GRID2: variants seen among roughly 807,000 people sequenced by gnomAD.
GRID2 encodes glutamate ionotropic receptor delta type subunit 2.
A neutral mutation model predicts 114.8 loss-of-function variants in GRID2; 33 were observed. The observed-to-expected ratio is 0.29, with a 90% CI of 0.22 to 0.38. The LOEUF is 0.38. Ranked by LOEUF, GRID2 falls within the 10% of genes least tolerant of loss-of-function variation. The pLI, the probability that GRID2 is intolerant of heterozygous loss-of-function variation, is 1.00. For missense variants in GRID2, 1,184 were observed against 1,257.7 expected, an observed-to-expected ratio of 0.94 and a Z score of 0.89; for synonymous variants, 505 against 449.9, an observed-to-expected ratio of 1.12 and a Z score of -1.55.
At chr4:93,188,812 C>G (rs1249227482) in intron 4 of GRID2, among the ~76,000 whole-genome samples, 1 of 152,146 alleles carries the variant, frequency 6.6e-6, no homozygotes, top group African/African-American at 2.4e-5. Context: ...TCACCTTCCA[C>G]GAAACCCTGG....
chr4:93,111,046 C>T (rs948566097), intron 4 of GRID2, 93 bp downstream of exon 4: 24 of 782,720 alleles, frequency 3.1e-5, no homozygotes, highest in East Asian at 1.2e-4. Context: ...AAGAGCAGTG[C>T]GAGGGAATTA....
In GRID2 at chr4:93,515,361, A is replaced by G. The variant is rs1560702955; in HGVS notation, c.2143A>G (p.Ser715Gly). The G allele has an allele frequency of 6.2e-7, 1 of 1,613,252 alleles. No homozygotes were observed. The highest frequency in any genetic ancestry group is 8.5e-7 in the Non-Finnish European group (1 of 1,179,360). The part of the protein sequence containing the change: ...YSQMWRMINR[S>G]NGSENNVLES... ...CCAAATGTGGCGGATGATCAACCGA[A>G]GCAATGGATCGGAGAACAATGTTCT... The change falls in exon 13 of 16, where the codon AGC becomes GGC. Residue 715 changes from serine (S) to glycine (G), a missense_variant. Coordinates refer to ENST00000282020, the MANE Select transcript of GRID2 (RefSeq NM_001510.4).
At chr4:92,428,839 G>C (rs1164899764) in intron 1 of GRID2, among the ~76,000 whole-genome samples, 1 of 151,884 alleles carries the variant, frequency 6.6e-6, no homozygotes, top group South Asian at 2.1e-4. Flanking sequence ...AAAACATTAT[G>C]AATTTATTTA....
intron 2 of GRID2, among the ~76,000 whole-genome samples, chr4:92,956,407 C>T (rs530421334): frequency 6.6e-6 from 1 of 152,288 alleles, no homozygotes; most frequent in South Asian, 2.1e-4. Flanking sequence ...ATCCCTAACC[C>T]TTGAAACGAC....
chr4:92,605,653 G>A (rs1022216277), intron 2 of GRID2, among the ~76,000 whole-genome samples: 2 of 152,062 alleles, frequency 1.3e-5, no homozygotes, highest in Admixed American at 6.6e-5. Flanking sequence ...GAAGGGAATA[G>A]CATTCCAAGC....
At chr4:92,373,773 G>A (rs1729226750) in intron 1 of GRID2, among the ~76,000 whole-genome samples, 1 of 151,900 alleles carries the variant, frequency 6.6e-6, no homozygotes, top group African/African-American at 2.4e-5. Context: ...TACTTTTGTG[G>A]GTTTTACTTT....
At chr4:93,576,353 C>T (rs1262510510) in intron 13 of GRID2, among the ~76,000 whole-genome samples, 1 of 152,160 alleles carries the variant, frequency 6.6e-6, no homozygotes, top group Non-Finnish European at 1.5e-5. Flanking sequence ...CTACTCTCCT[C>T]TTCACATCCA....
At chr4:92,720,661 T>C (rs1735767762) in intron 2 of GRID2, among the ~76,000 whole-genome samples, 1 of 152,080 alleles carries the variant, frequency 6.6e-6, no homozygotes, top group Non-Finnish European at 1.5e-5. Context: ...TTAGGATCAA[T>C]ATAAAAGGAA....
chr4:93,389,657 A>G (rs184083278), intron 8 of GRID2, among the ~76,000 whole-genome samples: 19 of 152,352 alleles, frequency 1.2e-4, no homozygotes, highest in African/African-American at 3.8e-4. Flanking sequence ...ATTATAAAAA[A>G]TAGTTTACTT....
intron 2 of GRID2, among the ~76,000 whole-genome samples, chr4:92,697,631 G>A (rs568055186): frequency 1.3e-5 from 2 of 152,200 alleles, no homozygotes; most frequent in East Asian, 3.9e-4. Flanking sequence ...ATATATGTGA[G>A]CTTTTTTGAC....
At chr4:93,243,578 A>G (rs1438331509) in intron 8 of GRID2, among the ~76,000 whole-genome samples, 1 of 152,008 alleles carries the variant, frequency 6.6e-6, no homozygotes, top group East Asian at 1.9e-4. Flanking sequence ...CATAAACTAA[A>G]CAGAGTTTTG....
At position 93,361,388 on chromosome 4, in the gene GRID2, G is replaced by C. The variant is rs115913415; in HGVS notation, c.1246-34219G>C. ...AAGAAGTAAGCTATTTTTCTCTCTT[G>C]TTAAATTTGCTCAGTCTTTTCAGGG... On this transcript the variant is annotated intron_variant, in intron 8 of 15. Transcript: ENST00000282020. Among the ~76,000 whole-genome samples the C allele has an allele frequency of 7.7e-3, 1,169 of 151,848 alleles. 16 individuals carry two copies. The highest frequency in any genetic ancestry group is 0.027 in the African/African-American group (1,113 of 41,462).
intron 2 of GRID2, among the ~76,000 whole-genome samples, chr4:92,668,805 C>T (rs1377182603): frequency 3.3e-5 from 5 of 151,802 alleles, no homozygotes; most frequent in Non-Finnish European, 4.4e-5. Flanking sequence ...CTTACTTATG[C>T]ATAAATATTA....
At chr4:92,612,817 A>T (rs1257220360) in intron 2 of GRID2, among the ~76,000 whole-genome samples, 1 of 151,362 alleles carries the variant, frequency 6.6e-6, no homozygotes, top group African/African-American at 2.4e-5. Context: ...TGTTTGTTAA[A>T]GTTTTTGTGG....
At chr4:93,384,835 T>G (rs1173476160) in intron 8 of GRID2, among the ~76,000 whole-genome samples, 1 of 152,156 alleles carries the variant, frequency 6.6e-6, no homozygotes, top group Non-Finnish European at 1.5e-5. Context: ...CTTACATATA[T>G]GGTTATAGCT....
At position 92,398,268 on chromosome 4, in the gene GRID2, A is replaced by G. The variant is rs559184345; in HGVS notation, c.88+93524A>G. ...GATGCCAAAGAGCAGCATGTATCAA[A>G]TCAATCATTTATTATTATTTCACTA... On this transcript the variant is annotated intron_variant, in intron 1 of 15. Coordinates refer to ENST00000282020, the MANE Select transcript of GRID2 (RefSeq NM_001510.4). 2.0e-3 allele frequency among the ~76,000 whole-genome samples: 301 copies of G among 152,306 alleles called. 1 individual carries two copies. Among genetic ancestry groups the G allele is most frequent in the Non-Finnish European group, 3.7e-3 (249 of 68,028 alleles).
At chr4:93,686,681 G>C (rs1726108624) in intron 14 of GRID2, among the ~76,000 whole-genome samples, 1 of 151,990 alleles carries the variant, frequency 6.6e-6, no homozygotes, top group African/African-American at 2.4e-5. Context: ...TGAAAATGAA[G>C]AAAGTATGGG....
chr4:93,105,519 T>C (rs918810919), intron 3 of GRID2, among the ~76,000 whole-genome samples: 5 of 152,186 alleles, frequency 3.3e-5, no homozygotes, highest in South Asian at 2.1e-4. Context: ...TTCAGCTTTC[T>C]ACATATGGCT....
intron 2 of GRID2, among the ~76,000 whole-genome samples, chr4:92,942,473 G>C (rs1751233688): frequency 6.6e-6 from 1 of 152,134 alleles, no homozygotes; most frequent in African/African-American, 2.4e-5. Flanking sequence ...CTCTGCATGT[G>C]AGGTGGGTTT....
Sources: gnomAD v4.1 joint callset for allele counts (sites outside exome capture counted in the v4.1 genomes callset) on GRCh38, gnomAD v4.1.1 for gene constraint, MANE v1.5 for transcripts, NCBI Gene and HGNC (gene_info 2026-07-23, HGNC 2026-07-21) for gene names.